The following PTPRK variants were observed in gnomAD, a reference collection of about 807,000 sequenced individuals.
PTPRK encodes the protein receptor-type tyrosine-protein phosphatase kappa.
PTPRK carries 75 observed loss-of-function variants against 178.0 expected under a neutral mutation model. The observed-to-expected ratio is 0.42, with a 90% CI of 0.35 to 0.51. The LOEUF (loss-of-function observed/expected upper bound fraction) is 0.51. Among genes scored for constraint, PTPRK ranks in the 20% least tolerant of loss-of-function variants. The pLI is 0.02. For synonymous variants in PTPRK, 637 were observed against 620.6 expected (o/e 1.03, Z -0.39); for missense variants, 1,441 against 1,797.8 (o/e 0.80, Z 3.59).
intron 1 of PTPRK, among the ~76,000 whole-genome samples, chr6:128,461,856 C>A (rs186550247): frequency 6.6e-6 from 1 of 152,292 alleles, no homozygotes; most frequent in East Asian, 1.9e-4. Context: ...AGAACAAGGT[C>A]TATTTTGACT....
At chr6:128,063,860 C>G (rs771581301) in intron 13 of PTPRK, among the ~76,000 whole-genome samples, 12 of 152,032 alleles carry the variant, frequency 7.9e-5, no homozygotes, top group Non-Finnish European at 1.8e-4. Context: ...ATGGAGAAAA[C>G]TGATGAAAGG....
At chr6:128,279,116 T>C (rs984039825) in intron 3 of PTPRK, among the ~76,000 whole-genome samples, 1 of 151,578 alleles carries the variant, frequency 6.6e-6, no homozygotes, top group African/African-American at 2.4e-5. Context: ...ATGTAGAGGC[T>C]CAGACTGTGA....
At chr6:128,103,914 GA>G (rs1331231842) in intron 7 of PTPRK, among the ~76,000 whole-genome samples, 4 of 152,152 alleles carry the variant, frequency 2.6e-5, no homozygotes, top group Admixed American at 1.3e-4. Context: ...AGGTCCTGCA[GA>G]TGGTGTCTCC....
At chr6:128,429,592 T>C (rs898790662) in intron 1 of PTPRK, among the ~76,000 whole-genome samples, 1 of 152,220 alleles carries the variant, frequency 6.6e-6, no homozygotes, top group Non-Finnish European at 1.5e-5. Context: ...ATCTGACAAC[T>C]AAAAACTTCA....
At chr6:128,131,219 A>T (rs973181810) in intron 7 of PTPRK, among the ~76,000 whole-genome samples, 3 of 152,186 alleles carry the variant, frequency 2.0e-5, no homozygotes, top group Non-Finnish European at 4.4e-5. Flanking sequence ...GCTTTCTTTC[A>T]AAGTCACTGG....
chr6:128,323,152 A>G (rs1203341327), intron 2 of PTPRK, among the ~76,000 whole-genome samples: 1 of 152,118 alleles, frequency 6.6e-6, no homozygotes, highest in South Asian at 2.1e-4. Context: ...CACAGGACAT[A>G]GAGTCCCACT....
At chr6:128,098,284 T>G (rs1582995992) in intron 7 of PTPRK, among the ~76,000 whole-genome samples, 1 of 152,312 alleles carries the variant, frequency 6.6e-6, no homozygotes, top group Middle Eastern at 3.4e-3. Context: ...ACTTTGCAAC[T>G]GCTCACACCA....
At position 128,332,436 on chromosome 6, in the gene PTPRK, GCCCA is replaced by G. The variant is rs1402702227; in HGVS notation, c.224-10130_224-10127del. Reference sequence around the variant, plus strand: ...CTGTCTTGTTTCCTCATCTTGAAGTGCCCACCCCACTGAGGTCCGGTGTGAGGAC... The same window carrying G: ...CTGTCTTGTTTCCTCATCTTGAAGTGCCCCACTGAGGTCCGGTGTGAGGAC... On this transcript the variant is annotated intron_variant, in intron 2 of 29. Transcript: ENST00000368226. 2.0e-5 allele frequency among the ~76,000 whole-genome samples: 3 copies of G among 152,234 alleles called. No individual in the cohort carries two copies. In the East Asian group the frequency reaches 5.8e-4, roughly 29 times the overall value.
chr6:128,378,313 T>C (rs1294365046), intron 2 of PTPRK, among the ~76,000 whole-genome samples: 1 of 152,104 alleles, frequency 6.6e-6, no homozygotes, highest in Non-Finnish European at 1.5e-5. Flanking sequence ...GCATTAATTT[T>C]GAAAGCAAAA....
intron 1 of PTPRK, among the ~76,000 whole-genome samples, chr6:128,425,107 C>T (rs1259304793): frequency 1.4e-5 from 2 of 141,158 alleles, no homozygotes; most frequent in African/African-American, 5.4e-5. Flanking sequence ...GAGACGGAGT[C>T]TCGCTCTGTT....
chr6:128,089,490 T>G (rs1786547701), intron 8 of PTPRK, among the ~76,000 whole-genome samples, 200 bp downstream of exon 8: 1 of 152,164 alleles, frequency 6.6e-6, no homozygotes, highest in African/African-American at 2.4e-5. Context: ...AGAAGCACAT[T>G]TCATTTAGTA....
At chr6:128,006,754 A>C (rs1027807433) in intron 14 of PTPRK, among the ~76,000 whole-genome samples, 3 of 151,030 alleles carry the variant, frequency 2.0e-5, no homozygotes, top group African/African-American at 7.3e-5. Context: ...AATGGCATAC[A>C]TTTGGAAATA....
intron 13 of PTPRK, among the ~76,000 whole-genome samples, chr6:128,018,285 T>C (rs1562444560): frequency 6.6e-6 from 1 of 152,124 alleles, no homozygotes; most frequent in Non-Finnish European, 1.5e-5. Flanking sequence ...ATGCTACTTA[T>C]ATAAGAGCAT....
chr6:128,065,057 C>T (rs1781524241), intron 12 of PTPRK, among the ~76,000 whole-genome samples: 1 of 152,068 alleles, frequency 6.6e-6, no homozygotes, highest in Admixed American at 6.6e-5. Flanking sequence ...TAGTTTGTGA[C>T]AAGTAGTATA....
At chr6:128,118,777 G>A (rs1583087864) in intron 7 of PTPRK, among the ~76,000 whole-genome samples, 1 of 152,124 alleles carries the variant, frequency 6.6e-6, no homozygotes, top group African/African-American at 2.4e-5. Flanking sequence ...TTTCTCAGCT[G>A]CTTCCTATTT....
chr6:128,152,979 C>A (rs1247426125), intron 7 of PTPRK, among the ~76,000 whole-genome samples: 1 of 151,834 alleles, frequency 6.6e-6, no homozygotes, highest in Non-Finnish European at 1.5e-5. Context: ...TCTGTAACAC[C>A]TCTTTTTTTA....
intron 7 of PTPRK, among the ~76,000 whole-genome samples, chr6:128,178,569 T>A (rs1461126849): frequency 1.3e-5 from 2 of 151,920 alleles, no homozygotes; most frequent in African/African-American, 4.8e-5. Context: ...AAAGTAACCT[T>A]CCTGATTATT....
chr6:128,243,488 TAAAAAAAAAA>T (rs760606919), intron 3 of PTPRK, among the ~76,000 whole-genome samples: 1 of 59,138 alleles, frequency 1.7e-5, no homozygotes, highest in African/African-American at 5.2e-5. Flanking sequence ...AGCCTGTCGC[TAAAAAAAAAA>T]AAAAAAAAAA....
chr6:128,255,884 G>C (rs1271284377), intron 3 of PTPRK, among the ~76,000 whole-genome samples: 1 of 152,082 alleles, frequency 6.6e-6, no homozygotes, highest in Non-Finnish European at 1.5e-5. Flanking sequence ...AATCCTATAG[G>C]TTTTCTTCCT....
Sources: allele counts gnomAD v4.1 joint callset (sites outside exome capture counted in the v4.1 genomes callset), GRCh38; gene constraint gnomAD v4.1.1; transcripts MANE v1.5; gene names NCBI Gene and HGNC (gene_info 2026-07-23, HGNC 2026-07-21).